The following CFAP299 variants were observed in gnomAD, a reference collection of about 807,000 sequenced individuals.
The protein encoded by CFAP299 is cilia and flagella associated protein 299.
A neutral mutation model predicts 27.0 loss-of-function variants in CFAP299; 21 were observed. That is an observed-to-expected ratio of 0.78 (90% CI 0.55 to 1.12). The LOEUF is 1.12. Among genes scored for constraint, CFAP299 ranks in the 50% most tolerant of loss-of-function variants. The pLI is 0.00. For missense variants in CFAP299, 310 were observed against 276.6 expected, an observed-to-expected ratio of 1.12 and a Z score of -0.86; for synonymous variants, 104 against 98.1, an observed-to-expected ratio of 1.06 and a Z score of -0.36.
chr4:80,686,350 C>T (rs760910087), intron 3 of CFAP299, among the ~76,000 whole-genome samples: 15 of 152,206 alleles, frequency 9.9e-5, no homozygotes, highest in Non-Finnish European at 1.9e-4. Context: ...GAGCCTTTGG[C>T]TCAGAGAGTG....
intron 1 of CFAP299, among the ~76,000 whole-genome samples, chr4:80,344,674 G>A (rs902052636): frequency 2.6e-5 from 4 of 152,058 alleles, no homozygotes; most frequent in African/African-American, 9.7e-5. Context: ...CCATAACTTG[G>A]CAGATATACA....
rs185769226 is a variant in CFAP299 at position 80,493,436 on chromosome 4, G to A, written c.243-89657G>A. The stretch of plus-strand genomic sequence containing the variant: ...TCCAATTGGCTAATTTAAAGATGAT[G>A]GGATGAGTGCTTTGGCGGAGTCAGG... On this transcript the variant is annotated intron_variant, in intron 2 of 5. Transcript: ENST00000358105. Among the ~76,000 whole-genome samples, 3 of 152,266 alleles carry A rather than the reference G, an allele frequency of 2.0e-5. No homozygotes were observed. In the East Asian group the frequency reaches 5.8e-4, roughly 29 times the overall value.
chr4:80,383,027 G>A (rs1354686599), intron 2 of CFAP299, among the ~76,000 whole-genome samples: 1 of 152,154 alleles, frequency 6.6e-6, no homozygotes, highest in Non-Finnish European at 1.5e-5. Context: ...TATGTCCTTT[G>A]CAGGGACATA....
chr4:80,681,820 A>G (rs1719862608), intron 3 of CFAP299, among the ~76,000 whole-genome samples: 2 of 152,156 alleles, frequency 1.3e-5, no homozygotes, highest in Admixed American at 1.3e-4. Flanking sequence ...AAACATTTTG[A>G]TGTGTGGAAA....
At chr4:80,673,094 G>A (rs2109995922) in intron 3 of CFAP299, among the ~76,000 whole-genome samples, 1 of 152,100 alleles carries the variant, frequency 6.6e-6, no homozygotes, top group African/African-American at 2.4e-5. Context: ...TCTTTTAATT[G>A]TGATATTAGG....
At chr4:80,335,702 G>C, upstream of CFAP299, 1 of 906,100 alleles carries the variant, frequency 1.1e-6, no homozygotes, top group Non-Finnish European at 1.9e-6. Context: ...GGAACGAAGT[G>C]GGTGGAGCCT....
chr4:80,679,119 T>C (rs776410048), intron 3 of CFAP299, among the ~76,000 whole-genome samples: 4 of 152,100 alleles, frequency 2.6e-5, no homozygotes, highest in African/African-American at 7.2e-5. Context: ...TTCATCTCTA[T>C]AATTTTGTCA....
chr4:80,431,923 A>G (rs988524580), intron 2 of CFAP299, among the ~76,000 whole-genome samples: 3 of 152,184 alleles, frequency 2.0e-5, no homozygotes, highest in African/African-American at 7.2e-5. Flanking sequence ...ATACTGTGCT[A>G]CTTTCACAGA....
chr4:80,897,048 C>A (rs1734640973), intron 4 of CFAP299, among the ~76,000 whole-genome samples: 1 of 152,198 alleles, frequency 6.6e-6, no homozygotes, highest in South Asian at 2.1e-4. Flanking sequence ...TTACAAATAT[C>A]AGCAGAAAAA....
chr4:80,768,043 G>T (rs1364963835), intron 3 of CFAP299, among the ~76,000 whole-genome samples: 1 of 152,048 alleles, frequency 6.6e-6, no homozygotes, highest in African/African-American at 2.4e-5. Context: ...GTTTGCCTTG[G>T]ATATAAAAAT....
chr4:80,908,308 G>T (rs1462912389), intron 4 of CFAP299, among the ~76,000 whole-genome samples: 1 of 152,224 alleles, frequency 6.6e-6, no homozygotes, highest in African/African-American at 2.4e-5. Flanking sequence ...TGTAAAAATA[G>T]CCACAGAATA....
chr4:80,862,256 G>A (rs1732424803), intron 3 of CFAP299, among the ~76,000 whole-genome samples: 2 of 152,068 alleles, frequency 1.3e-5, no homozygotes, highest in Admixed American at 6.5e-5. Flanking sequence ...TGTGGTCCCA[G>A]CTACTCGGTA....
chr4:80,929,413 CCATCCAGTCTCTATGGCACCACTATA>C (rs1413795851), intron 4 of CFAP299, among the ~76,000 whole-genome samples: 2,279 of 151,130 alleles, frequency 0.015, 34 homozygotes, highest in African/African-American at 0.049. Context: ...GCACCACTAT[CCATCCAGTCTCTATGGCACCACTATA>C]CATCCAGTCT....
intron 2 of CFAP299, among the ~76,000 whole-genome samples, chr4:80,419,968 A>G (rs1037739128): frequency 5.3e-5 from 8 of 152,162 alleles, no homozygotes; most frequent in Non-Finnish European, 8.8e-5. Context: ...TGACATGCAC[A>G]TAGGGGAGAA....
intron 3 of CFAP299, among the ~76,000 whole-genome samples, chr4:80,734,041 A>G (rs1203581095): frequency 6.6e-6 from 1 of 152,162 alleles, no homozygotes; most frequent in Non-Finnish European, 1.5e-5. Flanking sequence ...AGGAACCTCC[A>G]TACTGTTCTC....
intron 3 of CFAP299, among the ~76,000 whole-genome samples, chr4:80,729,014 T>C (rs1244824648): frequency 6.6e-6 from 1 of 152,224 alleles, no homozygotes; most frequent in African/African-American, 2.4e-5. Context: ...TTTTTCTCCT[T>C]TTCCCCTGTG....
chr4:80,391,464 A>G (rs939672386), intron 2 of CFAP299, among the ~76,000 whole-genome samples: 3 of 152,108 alleles, frequency 2.0e-5, no homozygotes, highest in Non-Finnish European at 4.4e-5. Context: ...TTCCCTGATG[A>G]CTAGTGATGT....
chr4:80,952,620 C>A (rs1737841536), intron 5 of CFAP299, among the ~76,000 whole-genome samples: 1 of 152,108 alleles, frequency 6.6e-6, no homozygotes, highest in Non-Finnish European at 1.5e-5. Context: ...CAAATTCTTT[C>A]TTTTTCTCTG....
chr4:80,781,187 T>C (rs1237064787), intron 3 of CFAP299, among the ~76,000 whole-genome samples: 1 of 152,012 alleles, frequency 6.6e-6, no homozygotes, highest in African/African-American at 2.4e-5. Flanking sequence ...ATTCACACCA[T>C]TTTTCTTCAG....
Sources: allele counts gnomAD v4.1 joint callset (sites outside exome capture counted in the v4.1 genomes callset), GRCh38; gene constraint gnomAD v4.1.1; transcripts MANE v1.5; gene names NCBI Gene and HGNC (gene_info 2026-07-23, HGNC 2026-07-21).